XYLT1: variants seen among roughly 807,000 people sequenced by gnomAD.
The protein encoded by XYLT1 is xylosyltransferase 1.
A neutral mutation model predicts 91.3 loss-of-function variants in XYLT1; 36 were observed. The observed-to-expected ratio is 0.39, with a 90% confidence interval of 0.30 to 0.52. The LOEUF (loss-of-function observed/expected upper bound fraction) is 0.52, where lower values mean the gene tolerates loss of function less well. Among genes scored for constraint, XYLT1 ranks in the 20% least tolerant of loss-of-function variants. The pLI, the probability that XYLT1 is intolerant of heterozygous loss-of-function variation, is 0.68. For missense variants in XYLT1, 1,242 were observed against 1,284.5 expected (o/e 0.97, Z 0.51); for synonymous variants, 588 against 532.0 (o/e 1.11, Z -1.45).
chr16:17,430,251 A>T (rs2036374277), intron 1 of XYLT1, among the ~76,000 whole-genome samples: 1 of 152,242 alleles, frequency 6.6e-6, no homozygotes, highest in South Asian at 2.1e-4. Flanking sequence ...ATCATCTGAA[A>T]TGCTCCAGAA....
At chr16:17,421,899 G>A (rs1457972143) in intron 1 of XYLT1, among the ~76,000 whole-genome samples, 2 of 152,026 alleles carry the variant, frequency 1.3e-5, no homozygotes, top group Admixed American at 6.5e-5. Flanking sequence ...ATGCAGTGGT[G>A]CAATCTTGGC....
chr16:17,328,227 G>T (rs951979807), intron 2 of XYLT1, among the ~76,000 whole-genome samples: 3 of 152,016 alleles, frequency 2.0e-5, no homozygotes, highest in African/African-American at 7.3e-5. Flanking sequence ...AGCAGGGCCA[G>T]CTGATTGTCA....
intron 2 of XYLT1, among the ~76,000 whole-genome samples, chr16:17,293,491 C>CTTTTTTT (rs548581536): frequency 8.4e-6 from 1 of 119,100 alleles, no homozygotes; most frequent in African/African-American, 3.0e-5. Context: ...TTTCTCCCTC[C>CTTTTTTT]TTTTTTTTTT....
chr16:17,412,414 A>G (rs1044468172), intron 1 of XYLT1, among the ~76,000 whole-genome samples: 10 of 152,072 alleles, frequency 6.6e-5, no homozygotes, highest in African/African-American at 2.2e-4. Context: ...CAAGGATTCC[A>G]GAATTCTGGG....
intron 3 of XYLT1, among the ~76,000 whole-genome samples, chr16:17,240,518 CA>C (rs1236358133): frequency 6.6e-6 from 1 of 152,092 alleles, no homozygotes; most frequent in Non-Finnish European, 1.5e-5. Flanking sequence ...ATCTACATGA[CA>C]GGGATGTTGC....
At chr16:17,163,396 A>C (rs970334451) in intron 5 of XYLT1, among the ~76,000 whole-genome samples, 2 of 152,220 alleles carry the variant, frequency 1.3e-5, no homozygotes, top group African/African-American at 4.8e-5. Context: ...CCCTGGGCAC[A>C]CAGAGGCACA....
intron 1 of XYLT1, among the ~76,000 whole-genome samples, chr16:17,454,880 C>T (rs888405178): frequency 6.9e-5 from 10 of 145,594 alleles, no homozygotes; most frequent in African/African-American, 2.1e-4. Context: ...AATTTTCACG[C>T]GTCACAAAAT....
At chr16:17,162,025 C>A (rs2031567703) in intron 5 of XYLT1, among the ~76,000 whole-genome samples, 1 of 152,154 alleles carries the variant, frequency 6.6e-6, no homozygotes, top group African/African-American at 2.4e-5. Context: ...CAAGTCCCAG[C>A]CATTTACTAA....
chr16:17,173,035 T>TAACAAACAAACA (rs34679721), intron 5 of XYLT1, among the ~76,000 whole-genome samples: 7 of 151,066 alleles, frequency 4.6e-5, no homozygotes, highest in Admixed American at 1.3e-4. Context: ...AGTGCTTTAC[T>TAACAAACAAACA]AACAAACAAA....
chr16:17,450,362 C>CAACA (rs1371836814), intron 1 of XYLT1, among the ~76,000 whole-genome samples: 3 of 145,438 alleles, frequency 2.1e-5, no homozygotes, highest in Non-Finnish European at 3.1e-5. Context: ...AACAAACAAA[C>CAACA]AAAAAAAAAA....
chr16:17,240,154 G>A (rs1354157750), intron 3 of XYLT1, among the ~76,000 whole-genome samples: 1 of 152,224 alleles, frequency 6.6e-6, no homozygotes, highest in East Asian at 1.9e-4. Context: ...CCAAGGAACT[G>A]CATGAATTGC....
intron 10 of XYLT1, among the ~76,000 whole-genome samples, chr16:17,124,561 A>G (rs1469092710): frequency 6.6e-6 from 1 of 152,174 alleles, no homozygotes; most frequent in Non-Finnish European, 1.5e-5. Context: ...TTGACTTTAG[A>G]TAACTTGATG....
chr16:17,235,309 CTTT>C (rs3060127), intron 3 of XYLT1, among the ~76,000 whole-genome samples: 3 of 138,258 alleles, frequency 2.2e-5, no homozygotes, highest in Admixed American at 1.5e-4. Context: ...TCATTATCAT[CTTT>C]TTTTTTTTTT....
At position 17,116,497 on chromosome 16, in the gene XYLT1, A is replaced by T. The variant is rs564173918; in HGVS notation, c.2557+1149T>A. Among the ~76,000 whole-genome samples, 3 of 152,316 alleles carry T rather than the reference A, an allele frequency of 2.0e-5. No individual in the cohort carries two copies. The South Asian group carries it at 6.2e-4, about 32-fold the overall frequency. On this transcript the variant is annotated intron_variant, in intron 11 of 11. Transcript: ENST00000261381. ...TTTAGGGACTCATCCAAGCCAACAC[A>T]TGCCCATGCTTTACTGCTATTCACG...
intron 6 of XYLT1, among the ~76,000 whole-genome samples, chr16:17,155,127 CAGAG>C (rs1219334155): frequency 2.0e-5 from 3 of 152,232 alleles, no homozygotes; most frequent in Non-Finnish European, 4.4e-5. Context: ...GCCTAGAACA[CAGAG>C]AGGCTTCATC....
intron 1 of XYLT1, among the ~76,000 whole-genome samples, chr16:17,379,926 T>G (rs2035658551): frequency 6.6e-6 from 1 of 152,198 alleles, no homozygotes; most frequent in Admixed American, 6.5e-5. Context: ...CCTGCTGGCC[T>G]CTGATAGTTC....
chr16:17,252,807 A>G (rs1057282942), intron 3 of XYLT1, among the ~76,000 whole-genome samples: 1 of 151,984 alleles, frequency 6.6e-6, no homozygotes, highest in African/African-American at 2.4e-5. Context: ...CTTCCCCTGA[A>G]TTTTTCAGAC....
chr16:17,152,085 T>C (rs2031297207), intron 6 of XYLT1, among the ~76,000 whole-genome samples: 1 of 152,188 alleles, frequency 6.6e-6, no homozygotes, highest in African/African-American at 2.4e-5. Context: ...TTTCTGATTA[T>C]AAAAGGAATG....
At chr16:17,232,267 T>C (rs951219115) in intron 3 of XYLT1, among the ~76,000 whole-genome samples, 4 of 143,356 alleles carry the variant, frequency 2.8e-5, no homozygotes, top group Admixed American at 1.4e-4. Context: ...ATTATTATTA[T>C]AATCTATTAT....
Sources: allele counts gnomAD v4.1 joint callset (sites outside exome capture counted in the v4.1 genomes callset), GRCh38; gene constraint gnomAD v4.1.1; transcripts MANE v1.5; gene names NCBI Gene and HGNC (gene_info 2026-07-23, HGNC 2026-07-21).